TMEM132D: variants seen among roughly 807,000 people sequenced by gnomAD.
The protein encoded by TMEM132D is transmembrane protein 132D, also known as mature OL transmembrane protein.
Under a neutral mutation model 62.3 loss-of-function variants are expected in TMEM132D, and 21 were observed. The observed-to-expected ratio is 0.34, with a 90% CI of 0.24 to 0.49. The LOEUF (loss-of-function observed/expected upper bound fraction) is 0.49. Ranked by LOEUF, TMEM132D falls within the 20% of genes least tolerant of loss-of-function variation. The pLI is 0.99. For synonymous variants in TMEM132D, 621 were observed against 575.6 expected (o/e 1.08, Z -1.13); for missense variants, 1,346 against 1,402.8 (o/e 0.96, Z 0.65).
chr12:129,200,648 G>A (rs1026948437), intron 5 of TMEM132D, among the ~76,000 whole-genome samples: 2 of 152,198 alleles, frequency 1.3e-5, no homozygotes, highest in African/African-American at 4.8e-5. Context: ...CCTCCTGGGG[G>A]CTGTCCCTGT....
At chr12:129,497,414 C>T (rs1219327284) in intron 3 of TMEM132D, among the ~76,000 whole-genome samples, 1 of 152,222 alleles carries the variant, frequency 6.6e-6, no homozygotes, top group East Asian at 1.9e-4. Flanking sequence ...CACGACTCCA[C>T]CTCTTACTGA....
At chr12:129,158,749 G>A (rs1176394374) in intron 5 of TMEM132D, among the ~76,000 whole-genome samples, 1 of 152,140 alleles carries the variant, frequency 6.6e-6, no homozygotes, top group Non-Finnish European at 1.5e-5. Context: ...AGTGATCAAC[G>A]GTATGAGTCT....
At chr12:129,875,870 A>C (rs2137381260) in intron 1 of TMEM132D, among the ~76,000 whole-genome samples, 1 of 152,304 alleles carries the variant, frequency 6.6e-6, no homozygotes, top group Middle Eastern at 3.4e-3. Context: ...CTGTTGATCA[A>C]ACACAACATG....
chr12:129,693,594 C>T (rs924378544), intron 2 of TMEM132D, among the ~76,000 whole-genome samples: 1 of 152,026 alleles, frequency 6.6e-6, no homozygotes, highest in Non-Finnish European at 1.5e-5. Context: ...GATAGGTGGC[C>T]GAGGAAACGA....
chr12:129,733,848 T>A (rs555545409), intron 1 of TMEM132D, among the ~76,000 whole-genome samples: 17 of 152,260 alleles, frequency 1.1e-4, no homozygotes, highest in African/African-American at 3.9e-4. Flanking sequence ...GCCAACAGGA[T>A]CTGCTGATGG....
At chr12:129,860,312 G>A (rs1235627409) in intron 1 of TMEM132D, among the ~76,000 whole-genome samples, 1 of 152,244 alleles carries the variant, frequency 6.6e-6, no homozygotes, top group Non-Finnish European at 1.5e-5. Flanking sequence ...TCTAGGGAAA[G>A]AGAACTTTAT....
Position 129,699,935 on chromosome 12 carries a change from CAGGG to C in TMEM132D, c.839_842del (p.Ser280Ter). 1 of 1,614,156 alleles carries C rather than the reference CAGGG, an allele frequency of 6.2e-7. No individual in the cohort carries two copies. Among genetic ancestry groups the C allele is most frequent in the Non-Finnish European group, 8.5e-7 (1 of 1,180,032 alleles). Reference sequence around the variant, plus strand: ...CGCTGTTGTCCAGACGCAGTTCTCTCAGGGAGGGTTTCCTGTGTGTCTGATAAAG... The same window carrying C: ...CGCTGTTGTCCAGACGCAGTTCTCTCAGGGTTTCCTGTGTGTCTGATAAAG... On this transcript the variant is annotated frameshift_variant, in exon 2 of 9. Transcript: ENST00000422113. LOFTEE classifies it high-confidence loss of function.
chr12:129,201,995 G>A (rs1164012117), intron 5 of TMEM132D, among the ~76,000 whole-genome samples: 1 of 144,848 alleles, frequency 6.9e-6, no homozygotes, highest in Non-Finnish European at 1.5e-5. Context: ...CTTTCACTGG[G>A]GACCTGTTGC....
In TMEM132D at chr12:129,827,257, A is replaced by G. The variant is rs1047485136; in HGVS notation, c.79+76004T>C. On this transcript the variant is annotated intron_variant, in intron 1 of 8. Coordinates refer to ENST00000422113, the MANE Select transcript of TMEM132D (RefSeq NM_133448.3). The surrounding 1 kb of genome is among the most constrained non-coding windows in gnomAD (Gnocchi z 9.7). Reference sequence around the variant, plus strand: ...AGTGCTATGATTATTCCCATTTTGCAGATGAAGACACTGAGGCTTGAAGAA... The same window carrying G: ...AGTGCTATGATTATTCCCATTTTGCGGATGAAGACACTGAGGCTTGAAGAA... 5.3e-5 allele frequency among the ~76,000 whole-genome samples: 8 copies of G among 152,284 alleles called. No individual in the cohort carries two copies. In the South Asian group the frequency reaches 8.3e-4, roughly 16 times the overall value.
At chr12:129,212,290 T>C (rs915686372) in intron 4 of TMEM132D, 20 of 152,200 alleles carry the variant, frequency 1.3e-4, no homozygotes, top group African/African-American at 4.6e-4. Flanking sequence ...AGCATACGTG[T>C]TTCTGCCTAC....
intron 5 of TMEM132D, among the ~76,000 whole-genome samples, chr12:129,159,241 T>C (rs990115147): frequency 1.3e-5 from 2 of 152,166 alleles, no homozygotes; most frequent in African/African-American, 4.8e-5. Context: ...TAGAGTGCAC[T>C]AGGTTGAGGC....
intron 3 of TMEM132D, among the ~76,000 whole-genome samples, chr12:129,477,859 C>T (rs1481643744): frequency 2.6e-5 from 4 of 151,832 alleles, no homozygotes; most frequent in Admixed American, 6.6e-5. Flanking sequence ...TACACACACA[C>T]ATATACAGAG....
At chr12:129,900,457 C>T (rs1875315450) in intron 1 of TMEM132D, among the ~76,000 whole-genome samples, 1 of 152,246 alleles carries the variant, frequency 6.6e-6, no homozygotes, top group Non-Finnish European at 1.5e-5. Flanking sequence ...CCACCCTAGG[C>T]ACAGGGAGCA....
At chr12:129,081,209 C>T (rs894215209) in intron 7 of TMEM132D, among the ~76,000 whole-genome samples, 2 of 152,206 alleles carry the variant, frequency 1.3e-5, no homozygotes, top group Non-Finnish European at 2.9e-5. Context: ...GTGTTTCAAG[C>T]GTGAGCCACC....
intron 5 of TMEM132D, among the ~76,000 whole-genome samples, chr12:129,090,293 T>C (rs1344251450): frequency 1.3e-5 from 2 of 152,162 alleles, no homozygotes; most frequent in African/African-American, 4.8e-5. Flanking sequence ...GGCCAGGGTG[T>C]CTTTAATATG....
At chr12:129,406,789 G>A (rs1332326186) in intron 3 of TMEM132D, among the ~76,000 whole-genome samples, 2 of 152,114 alleles carry the variant, frequency 1.3e-5, no homozygotes, top group African/African-American at 2.4e-5. Flanking sequence ...GCAGCCCTGC[G>A]CCTCCACTCA....
chr12:129,131,867 A>G (rs1489522948), intron 5 of TMEM132D, among the ~76,000 whole-genome samples: 2 of 152,222 alleles, frequency 1.3e-5, no homozygotes, highest in African/African-American at 4.8e-5. Flanking sequence ...GGAGACATTA[A>G]TTGAAAAAAA....
intron 4 of TMEM132D, among the ~76,000 whole-genome samples, chr12:129,271,151 A>C (rs965069508): frequency 3.5e-4 from 54 of 152,292 alleles, no homozygotes; most frequent in African/African-American, 1.3e-3. Flanking sequence ...TGAAGAAAAA[A>C]ATCAGGCCAT....
chr12:129,185,936 T>C (rs1467579437), intron 5 of TMEM132D, among the ~76,000 whole-genome samples: 1 of 152,204 alleles, frequency 6.6e-6, no homozygotes, highest in Non-Finnish European at 1.5e-5. Flanking sequence ...AAAGTTCTTT[T>C]GCTCTGACAA....
Sources: allele counts gnomAD v4.1 joint callset (sites outside exome capture counted in the v4.1 genomes callset), GRCh38; gene constraint gnomAD v4.1.1; non-coding constraint Gnocchi (gnomAD v3.1); transcripts MANE v1.5; gene names NCBI Gene and HGNC (gene_info 2026-07-23, HGNC 2026-07-21).